AMOT: variants seen among roughly 807,000 people sequenced by gnomAD.
AMOT encodes angiomotin.
A neutral mutation model predicts 67.0 loss-of-function variants in AMOT; 11 were observed. The ratio of observed to expected loss-of-function variants is 0.16; its 90% CI spans 0.10 to 0.27. The LOEUF is 0.27. Ranked by LOEUF, AMOT falls within the 10% of genes least tolerant of loss-of-function variation. The pLI, the probability that AMOT is intolerant of heterozygous loss-of-function variation, is 1.00. For missense variants in AMOT, 753 were observed against 852.0 expected, an observed-to-expected ratio of 0.88 and a Z score of 1.45; for synonymous variants, 326 against 321.4, an observed-to-expected ratio of 1.01 and a Z score of -0.15.
At chrX:112,778,726 C>T (rs1269802970) in intron 13 of AMOT, 62 bp from the exon 14 acceptor site, 7 of 1,017,687 alleles carry the variant, frequency 6.9e-6, no homozygotes, top group Non-Finnish European at 9.4e-6. Flanking sequence ...ATTTCTAGAA[C>T]CAGACACCAT....
intron 6 of AMOT, among the ~76,000 whole-genome samples, chrX:112,810,477 G>A (rs1045822921): frequency 2.7e-5 from 3 of 111,645 alleles, no homozygotes; most frequent in Non-Finnish European, 3.8e-5. Context: ...GGGAGGCCAC[G>A]GTGGGTGGAT....
At chrX:112,838,440 C>T (rs186734086) in intron 1 of AMOT, among the ~76,000 whole-genome samples, 6 of 112,026 alleles carry the variant, frequency 5.4e-5, no homozygotes, top group African/African-American at 1.9e-4. Context: ...GATGTACCCA[C>T]TTAGAATTCT....
chrX:112,827,635 T>C (rs1316868723), intron 2 of AMOT, among the ~76,000 whole-genome samples: 1 of 111,904 alleles, frequency 8.9e-6, no homozygotes, highest in Admixed American at 9.5e-5. Flanking sequence ...AACTCTTCTG[T>C]AACAACAACA....
chrX:112,834,266 G>C (rs771444393), intron 1 of AMOT, among the ~76,000 whole-genome samples: 2 of 111,645 alleles, frequency 1.8e-5, no homozygotes, highest in East Asian at 2.8e-4. Flanking sequence ...CGGATAATGA[G>C]AAGCATGTGC....
At chrX:112,809,638 G>GCAGACTTACTTTTTGCAAA (rs1934293853) in intron 7 of AMOT, among the ~76,000 whole-genome samples, 3 of 111,311 alleles carry the variant, frequency 2.7e-5, no homozygotes, top group African/African-American at 9.8e-5. Context: ...ACACTAGCAG[G>GCAGACTTACTTTTTGCAAA]GATTTCAAGG....
rs1273867236 is a variant in AMOT at position 112,795,246 on chromosome X, C to CTGTGTGTG, written c.1777-3266_1777-3265insCACACACA. ...CTCTTCCCTCTTTCTCTGTCTCTCT[C>CTGTGTGTG]TCTGTGTGTGTGTGTGTGTGTGTGT... is the stretch of plus-strand genomic sequence containing the variant. On this transcript the variant is annotated intron_variant, in intron 8 of 13. Coordinates refer to ENST00000371959, the MANE Select transcript of AMOT (RefSeq NM_001113490.2). Among the ~76,000 whole-genome samples the CTGTGTGTG allele has an allele frequency of 1.2e-4, 11 of 93,066 alleles. 1 individual carries two copies. Among genetic ancestry groups the CTGTGTGTG allele is most frequent in the Non-Finnish European group, 1.4e-4 (7 of 49,997 alleles). 80.8% of individuals were successfully genotyped at this position (93,066 alleles called of 115,157 possible).
At chrX:112,833,013 A>T (rs1310453393) in intron 1 of AMOT, among the ~76,000 whole-genome samples, 1 of 112,105 alleles carries the variant, frequency 8.9e-6, no homozygotes, top group East Asian at 2.8e-4. Context: ...AACTGAATCT[A>T]AACCCTGCCT....
At chrX:112,804,898 T>TGGCCCC in intron 8 of AMOT, 49 bp downstream of exon 8, 43 of 837,564 alleles carry the variant, frequency 5.1e-5, no homozygotes, top group East Asian at 7.6e-5. Context: ...GTCCCCGATT[T>TGGCCCC]CCCAGCCCTC....
rs779153334 is a variant in AMOT, at chrX:112,815,458, A to G, written c.1292T>C (p.Val431Ala). The change falls in exon 5 of 14, where the codon GTT becomes GCT. Residue 431 changes from valine (V) to alanine (A), a missense_variant. By Grantham distance (64) the Val-to-Ala change is moderately conservative (BLOSUM62 0). Around this residue, in one of 5 missense-constraint regions of AMOT, gnomAD observed 297 missense variants for 284.3 expected, o/e 1.04. Transcript: ENST00000371959. The stretch of plus-strand genomic sequence containing the variant: ...CTCAACCATCTGCTGGGCTCTGGAA[A>G]CAATGGCAAAAGGGTCTGCTGGCAC... ...QPVPADPFAI[V>A]SRAQQMVEIL... is the part of the protein sequence containing the mutation. 2.5e-6 allele frequency: 3 copies of G among 1,211,746 alleles called. No homozygotes were observed. Among genetic ancestry groups the G allele is most frequent in the Non-Finnish European group, 3.3e-6 (3 of 895,546 alleles).
intron 10 of AMOT, among the ~76,000 whole-genome samples, chrX:112,788,675 A>C: frequency 8.9e-6 from 1 of 112,016 alleles, no homozygotes; most frequent in Middle Eastern, 4.6e-3. Context: ...CTCTGTCAGC[A>C]TCTCCTGTGG....
intron 8 of AMOT, among the ~76,000 whole-genome samples, chrX:112,803,130 T>G (rs1484472964): frequency 8.9e-6 from 1 of 111,733 alleles, no homozygotes; most frequent in Non-Finnish European, 1.9e-5. Context: ...TTTAAAAAAC[T>G]TAAAAGATGC....
rs1932967451 is a variant in AMOT, at chrX:112,777,421, T to C, written c.*1146A>G. 1 of 112,029 alleles carries C rather than the reference T, an allele frequency of 8.9e-6. No individual in the cohort carries two copies. The highest frequency in any genetic ancestry group is 1.9e-5 in the Non-Finnish European group (1 of 53,231). The allele number at this position is 112,029 out of a possible 1,213,427, so 9.2% of individuals were successfully genotyped here. Reference sequence around the variant, plus strand: ...GAGGTAGTTGAGGATACTGCTGCAATCCACCTCTCCCCCGACTGCAGCATA... The same window carrying C: ...GAGGTAGTTGAGGATACTGCTGCAACCCACCTCTCCCCCGACTGCAGCATA... On this transcript the variant is annotated 3_prime_UTR_variant, in exon 14 of 14. Transcript: ENST00000371959.
chrX:112,824,982 C>A (rs1297963738), intron 3 of AMOT, 90 bp downstream of exon 3: 1 of 110,064 alleles, frequency 9.1e-6, no homozygotes, highest in African/African-American at 3.3e-5. Flanking sequence ...GTCACACCCA[C>A]CCCACCCAGC....
intron 10 of AMOT, among the ~76,000 whole-genome samples, chrX:112,784,499 A>C (rs769407460): frequency 8.9e-6 from 1 of 112,289 alleles, no homozygotes; most frequent in South Asian, 3.7e-4. Context: ...AGGCAAAGGG[A>C]TTGCTTAAGG....
intron 2 of AMOT, among the ~76,000 whole-genome samples, chrX:112,830,969 G>A (rs1934971270): frequency 1.8e-5 from 2 of 111,141 alleles, no homozygotes; most frequent in African/African-American, 3.3e-5. Flanking sequence ...ACATTTTGCT[G>A]TATAGAACTA....
At chrX:112,790,996 A>G (rs535508151) in intron 9 of AMOT, among the ~76,000 whole-genome samples, 1 of 111,569 alleles carries the variant, frequency 9.0e-6, no homozygotes, top group East Asian at 2.8e-4. Context: ...GGGGCCTGTC[A>G]TATCAAACTG....
chrX:112,834,228 CT>C (rs1935075905), intron 1 of AMOT, among the ~76,000 whole-genome samples: 2 of 111,815 alleles, frequency 1.8e-5, no homozygotes, highest in Admixed American at 9.5e-5. Context: ...GGTTTCTCTG[CT>C]CCTTTACTGA....
At chrX:112,785,133 C>G (rs1296801222) in intron 10 of AMOT, among the ~76,000 whole-genome samples, 1 of 112,028 alleles carries the variant, frequency 8.9e-6, no homozygotes, top group Non-Finnish European at 1.9e-5. Flanking sequence ...TCCAATACTC[C>G]AAGACGTTCT....
chrX:112,781,498 A>T (rs1462187864), intron 11 of AMOT, among the ~76,000 whole-genome samples: 6 of 109,170 alleles, frequency 5.5e-5, no homozygotes, highest in Non-Finnish European at 9.5e-5. Context: ...TTTTGGTCTA[A>T]TTGACTACAT....
Sources: gnomAD v4.1 joint callset for allele counts (sites outside exome capture counted in the v4.1 genomes callset) on GRCh38, gnomAD v4.1.1 for gene constraint, gnomAD v4.1.1 regional missense constraint, MANE v1.5 for transcripts, NCBI Gene and HGNC (gene_info 2026-07-23, HGNC 2026-07-21) for gene names.